The following ROBO1 variants were observed in gnomAD, a reference collection of about 807,000 sequenced individuals.
The protein encoded by ROBO1 is roundabout guidance receptor 1.
In ROBO1, 149 loss-of-function variants were observed where a neutral mutation model predicts 195.9. The observed-to-expected ratio is 0.76, with a 90% CI of 0.67 to 0.87. The LOEUF (loss-of-function observed/expected upper bound fraction) is 0.87, where lower values mean the gene tolerates loss of function less well. Among genes scored for constraint, ROBO1 ranks in the 40% least tolerant of loss-of-function variants. The probability of loss-of-function intolerance (pLI) is 0.00; values close to 1 mark genes in which losing one functional copy is unlikely to be tolerated. For synonymous variants in ROBO1, 816 were observed against 733.2 expected (o/e 1.11, Z -1.82); for missense variants, 1,933 against 2,068.3 (o/e 0.93, Z 1.27).
chr3:79,014,640 C>T (rs1350477894), intron 3 of ROBO1, among the ~76,000 whole-genome samples: 1 of 152,104 alleles, frequency 6.6e-6, no homozygotes, highest in Non-Finnish European at 1.5e-5. Context: ...CAGACTTCTG[C>T]TTTTTATTTC....
At chr3:79,119,214 T>C (rs1232874495) in intron 3 of ROBO1, among the ~76,000 whole-genome samples, 2 of 152,220 alleles carry the variant, frequency 1.3e-5, no homozygotes, top group Non-Finnish European at 2.9e-5. Flanking sequence ...TAAGATAAAC[T>C]GCTTTAAACT....
intron 2 of ROBO1, among the ~76,000 whole-genome samples, chr3:79,306,832 A>T (rs958364146): frequency 1.2e-4 from 18 of 152,194 alleles, no homozygotes; most frequent in Non-Finnish European, 2.2e-4. Flanking sequence ...ATTTTGAATT[A>T]CTTATAATTC....
intron 3 of ROBO1, 81 bp from the exon 4 acceptor site, chr3:78,939,008 T>C (rs534999871): frequency 2.6e-4 from 327 of 1,257,974 alleles, no homozygotes; most frequent in Admixed American, 1.6e-3. Flanking sequence ...GGCTTAACCA[T>C]TACTATTTAA....
At position 79,046,578 on chromosome 3, in the gene ROBO1, G is replaced by A. The variant is rs1028141118; in HGVS notation, c.172+78878C>T. ...AGCCAGTACGAGTCTCAAAACTGAAGAACTTGGAGTCCAATGTTCAAGGGC... is the reference window on the plus strand; with the variant it reads ...AGCCAGTACGAGTCTCAAAACTGAAAAACTTGGAGTCCAATGTTCAAGGGC... On this transcript the variant is annotated intron_variant, in intron 3 of 30. Transcript: ENST00000464233. Among the ~76,000 whole-genome samples, 14 of 152,098 alleles carry A rather than the reference G, an allele frequency of 9.2e-5. 1 individual carries two copies. The East Asian group carries it at 2.5e-3, about 27-fold the overall frequency.
intron 3 of ROBO1, among the ~76,000 whole-genome samples, chr3:79,121,504 G>C (rs1023658657): frequency 6.6e-6 from 1 of 151,736 alleles, no homozygotes. Flanking sequence ...AACTTTACTT[G>C]GAGGTAGTGT....
At chr3:79,752,312 T>C (rs565643235) in intron 1 of ROBO1, among the ~76,000 whole-genome samples, 67 of 152,294 alleles carry the variant, frequency 4.4e-4, no homozygotes, top group African/African-American at 1.5e-3. Flanking sequence ...ATACATTTAT[T>C]CACTCAACAC....
chr3:79,107,313 G>C (rs2079803013), intron 3 of ROBO1, among the ~76,000 whole-genome samples: 1 of 151,702 alleles, frequency 6.6e-6, no homozygotes, highest in African/African-American at 2.4e-5. Flanking sequence ...CACATGTGAA[G>C]TGATGCGTTT....
chr3:79,169,096 C>G (rs1387584116), intron 2 of ROBO1, among the ~76,000 whole-genome samples: 2 of 152,044 alleles, frequency 1.3e-5, no homozygotes, highest in Non-Finnish European at 2.9e-5. Context: ...TGAAAGAAAT[C>G]CAGTGTAGCT....
intron 8 of ROBO1, among the ~76,000 whole-genome samples, chr3:78,702,793 C>T (rs1231643919): frequency 8.5e-5 from 13 of 152,062 alleles, no homozygotes; most frequent in Admixed American, 7.2e-4. Flanking sequence ...GTTATGTAGA[C>T]GAATAAATCA....
chr3:79,692,178 A>G (rs1200740497), intron 1 of ROBO1, among the ~76,000 whole-genome samples: 1 of 151,920 alleles, frequency 6.6e-6, no homozygotes, highest in Non-Finnish European at 1.5e-5. Flanking sequence ...TGGAATGTTT[A>G]GAAGAAATAA....
intron 3 of ROBO1, among the ~76,000 whole-genome samples, chr3:79,024,097 G>C (rs541715878): frequency 6.6e-6 from 1 of 152,042 alleles, no homozygotes; most frequent in Non-Finnish European, 1.5e-5. Context: ...CTCCAGCCTC[G>C]CTATTGCTCT....
At chr3:78,666,495 T>C (rs1056227101) in intron 14 of ROBO1, among the ~76,000 whole-genome samples, 1 of 152,210 alleles carries the variant, frequency 6.6e-6, no homozygotes, top group Non-Finnish European at 1.5e-5. Context: ...ACCACTGTAC[T>C]GGGGACAAAA....
At position 78,938,670 on chromosome 3, in the gene ROBO1, C is replaced by A. The variant is rs2039954587; in HGVS notation, c.430G>T (p.Val144Phe). Residue 144 changes from valine to phenylalanine, a missense_variant, in exon 4 of 31, where the codon GTC becomes TTC. This residue lies in a region of ROBO1 where 1,737 missense variants were observed against 1,882.5 expected (regional missense o/e 0.92). Transcript: ENST00000464233. Reference sequence around the variant, plus strand: ...TAATTCCTTGCTACACAGACATAGACTCCTTCATCAGGTCTACTTTTCCGT... The same window carrying A: ...TAATTCCTTGCTACACAGACATAGAATCCTTCATCAGGTCTACTTTTCCGT... Reference protein sequence around the residue: ...HGRKSRPDEGVYVCVARNYLG... With the variant: ...HGRKSRPDEGFYVCVARNYLG... 6.2e-7 allele frequency: 1 copy of A among 1,613,910 alleles called. No homozygotes were observed. The highest frequency in any genetic ancestry group is 2.2e-5 in the East Asian group (1 of 44,890).
At chr3:79,430,512 C>A (rs1368637764) in intron 2 of ROBO1, among the ~76,000 whole-genome samples, 1 of 152,006 alleles carries the variant, frequency 6.6e-6, no homozygotes, top group Admixed American at 6.6e-5. Flanking sequence ...TTGGGCCACC[C>A]TACCATATAG....
chr3:79,751,274 T>C (rs1704118286), intron 1 of ROBO1, among the ~76,000 whole-genome samples: 1 of 152,212 alleles, frequency 6.6e-6, no homozygotes, highest in African/African-American at 2.4e-5. Context: ...GTTTATGATT[T>C]ATATTGCCTT....
intron 1 of ROBO1, among the ~76,000 whole-genome samples, chr3:79,699,083 T>TTA (rs151108197): frequency 0.28 from 41,100 of 147,276 alleles, 6,929 homozygotes; most frequent in East Asian, 0.51. Context: ...ATTTATTAAT[T>TTA]TATATATATA....
At chr3:79,346,985 T>A (rs1577004655) in intron 2 of ROBO1, among the ~76,000 whole-genome samples, 2 of 152,162 alleles carry the variant, frequency 1.3e-5, no homozygotes, top group Admixed American at 1.3e-4. Context: ...AATGATAACC[T>A]TTTTGGAGTT....
At chr3:78,914,929 G>A (rs1317204987) in intron 4 of ROBO1, among the ~76,000 whole-genome samples, 3 of 151,528 alleles carry the variant, frequency 2.0e-5, no homozygotes, top group African/African-American at 7.3e-5. Context: ...ACTTTCTCAA[G>A]GATCAGCATA....
chr3:79,386,258 A>G (rs971503134), intron 2 of ROBO1, among the ~76,000 whole-genome samples: 4 of 152,154 alleles, frequency 2.6e-5, no homozygotes, highest in African/African-American at 9.7e-5. Flanking sequence ...AGGGAGTTTT[A>G]TTTGCCTACT....
Sources: allele counts gnomAD v4.1 joint callset (sites outside exome capture counted in the v4.1 genomes callset), GRCh38; gene constraint gnomAD v4.1.1; regional missense constraint gnomAD v4.1.1; transcripts MANE v1.5; gene names NCBI Gene and HGNC (gene_info 2026-07-23, HGNC 2026-07-21).